Variants in ABCG2 observed in about 807,000 individuals in gnomAD.
ABCG2 encodes the protein ATP binding cassette subfamily G member 2 (JR blood group).
A neutral mutation model predicts 73.5 loss-of-function variants in ABCG2; 80 were observed. That is an observed-to-expected ratio of 1.09 (90% CI 0.91 to 1.31). ABCG2 has a LOEUF of 1.31. Ranked by LOEUF, ABCG2 falls within the 50% of genes most tolerant of loss-of-function variation. The pLI, the probability that ABCG2 is intolerant of heterozygous loss-of-function variation, is 0.00. For synonymous variants in ABCG2, 269 were observed against 282.4 expected, an observed-to-expected ratio of 0.95 and a Z score of 0.48; for missense variants, 796 against 786.2, an observed-to-expected ratio of 1.01 and a Z score of -0.15.
At chr4:88,102,266 A>G (rs955178001) in intron 10 of ABCG2, among the ~76,000 whole-genome samples, 32 of 152,194 alleles carry the variant, frequency 2.1e-4, no homozygotes, top group African/African-American at 7.7e-4. Context: ...AAGGAACACT[A>G]TTAGTGCTTG....
At position 88,113,523 on chromosome 4, in the gene ABCG2, TC is replaced by T; in HGVS notation, c.973del (p.Asp325IlefsTer5). 6.2e-7 allele frequency: 1 copy of T among 1,614,180 alleles called. No homozygotes were observed. The highest frequency in any genetic ancestry group is 1.1e-5 in the South Asian group (1 of 91,070). ...ATEIIEPSKQ[D>X]KPLIEKLAEI... ...CGCTAATTTTTCTATGAGTGGCTTA[TC>T]CTGCTTGGAAGGCTCTATGATCTCT... On this transcript the variant is annotated frameshift_variant, in exon 9 of 16. Transcript: ENST00000237612. LOFTEE classifies it high-confidence loss of function.
At chr4:88,167,065 G>A (rs911229584) in intron 1 of ABCG2, among the ~76,000 whole-genome samples, 7 of 152,080 alleles carry the variant, frequency 4.6e-5, no homozygotes, top group African/African-American at 1.7e-4. Flanking sequence ...TCTCCCAATT[G>A]TGGAGGTCAG....
chr4:88,189,267 G>A (rs191666336), intron 1 of ABCG2, among the ~76,000 whole-genome samples: 61 of 152,190 alleles, frequency 4.0e-4, no homozygotes, highest in African/African-American at 1.4e-3. Context: ...ACTAGGCCAG[G>A]TGCAATGACT....
intron 2 of ABCG2, among the ~76,000 whole-genome samples, chr4:88,137,339 T>C (rs1578216705): frequency 6.6e-6 from 1 of 152,086 alleles, no homozygotes; most frequent in Non-Finnish European, 1.5e-5. Flanking sequence ...GGGACTGAAG[T>C]TGGTGAAGTT....
intron 12 of ABCG2, among the ~76,000 whole-genome samples, chr4:88,098,629 TAGAG>T (rs907937848): frequency 5.3e-5 from 7 of 132,452 alleles, no homozygotes; most frequent in Admixed American, 3.2e-4. Context: ...TATACATATA[TAGAG>T]AGAGACAGGG....
At chr4:88,179,974 T>C (rs1274811150) in intron 1 of ABCG2, among the ~76,000 whole-genome samples, 1 of 152,106 alleles carries the variant, frequency 6.6e-6, no homozygotes, top group African/African-American at 2.4e-5. Context: ...CTAAGAGTTA[T>C]TGGCCTTAAA....
At chr4:88,199,226 C>T (rs1729055197) in intron 1 of ABCG2, among the ~76,000 whole-genome samples, 1 of 152,094 alleles carries the variant, frequency 6.6e-6, no homozygotes, top group Admixed American at 6.6e-5. Context: ...ACCTCAGCCT[C>T]CCAAAGTGCT....
chr4:88,117,530 A>G, intron 7 of ABCG2, among the ~76,000 whole-genome samples: 1 of 151,884 alleles, frequency 6.6e-6, no homozygotes, highest in East Asian at 1.9e-4. Context: ...CCAGCTACTC[A>G]GGAGGCTGAG....
At chr4:88,211,859 GA>G (rs1186967399) in intron 1 of ABCG2, among the ~76,000 whole-genome samples, 1 of 152,204 alleles carries the variant, frequency 6.6e-6, no homozygotes, top group African/African-American at 2.4e-5. Context: ...GGCCAGAGGG[GA>G]AAGTCTTTCT....
At chr4:88,132,853 G>A (rs970453107) in intron 2 of ABCG2, among the ~76,000 whole-genome samples, 26 of 151,958 alleles carry the variant, frequency 1.7e-4, no homozygotes, top group African/African-American at 6.3e-4. Flanking sequence ...AGGATTGCCT[G>A]AGGCCAGGAG....
chr4:88,131,290 A>C, intron 4 of ABCG2, 77 bp from the exon 5 acceptor site: 1 of 1,415,176 alleles, frequency 7.1e-7, no homozygotes, highest in Non-Finnish European at 9.8e-7. Flanking sequence ...AGTATACATA[A>C]CATAATCCAC....
chr4:88,181,058 CT>C (rs1039935605), intron 1 of ABCG2, among the ~76,000 whole-genome samples: 66 of 152,128 alleles, frequency 4.3e-4, no homozygotes, highest in African/African-American at 1.6e-3. Flanking sequence ...TTAGTTTTCT[CT>C]TTGCTTGTTA....
At chr4:88,170,780 C>T (rs543732533) in intron 1 of ABCG2, among the ~76,000 whole-genome samples, 198 of 152,352 alleles carry the variant, frequency 1.3e-3, no homozygotes, top group African/African-American at 4.6e-3. Flanking sequence ...AGGCAGCGAG[C>T]GACCGGCTCC....
intron 5 of ABCG2, among the ~76,000 whole-genome samples, chr4:88,124,914 A>G (rs1185500563): frequency 1.3e-5 from 2 of 151,994 alleles, no homozygotes; most frequent in African/African-American, 4.8e-5. Flanking sequence ...GAAGTAAAAC[A>G]CTCCTCATCA....
intron 1 of ABCG2, among the ~76,000 whole-genome samples, chr4:88,201,084 A>G (rs182907950): frequency 4.5e-4 from 69 of 152,054 alleles, no homozygotes; most frequent in African/African-American, 1.5e-3. Flanking sequence ...TAAGCAGAAG[A>G]AAAGAAATAA....
In ABCG2 at chr4:88,173,102, A is replaced by G. The variant is rs553233191; in HGVS notation, c.-19-33088T>C. On this transcript the variant is annotated intron_variant, in intron 1 of 15. Coordinates refer to the ABCG2 transcript ENST00000515655. ...GTGGTTTCAGAATTTCTAACACTGC[A>G]ATATTGCTAAAAATGGAAGTCCTCA... Among the ~76,000 whole-genome samples the G allele has an allele frequency of 4.6e-5, 7 of 152,302 alleles. No homozygotes were observed. In the East Asian group the frequency reaches 1.3e-3, roughly 29 times the overall value.
intron 15 of ABCG2, among the ~76,000 whole-genome samples, chr4:88,092,694 A>C (rs1486909235): frequency 6.6e-6 from 1 of 152,214 alleles, no homozygotes; most frequent in Admixed American, 6.5e-5. Context: ...CCAAGTTTTT[A>C]GCCTACTCAA....
intron 10 of ABCG2, among the ~76,000 whole-genome samples, chr4:88,103,319 A>C (rs1722564822): frequency 6.6e-6 from 1 of 152,234 alleles, no homozygotes; most frequent in Non-Finnish European, 1.5e-5. Context: ...CTAAATACTA[A>C]GATGATTTAT....
chr4:88,190,320 T>C (rs977640108), intron 1 of ABCG2, among the ~76,000 whole-genome samples: 35 of 152,322 alleles, frequency 2.3e-4, no homozygotes, highest in African/African-American at 7.9e-4. Flanking sequence ...TTTATATCCC[T>C]GTTCTATCTG....
Sources: allele counts gnomAD v4.1 joint callset (sites outside exome capture counted in the v4.1 genomes callset), GRCh38; gene constraint gnomAD v4.1.1; transcripts MANE v1.5; gene names NCBI Gene and HGNC (gene_info 2026-07-23, HGNC 2026-07-21).